Variants in MSRA observed in about 807,000 individuals in gnomAD.
MSRA encodes mitochondrial peptide methionine sulfoxide reductase.
A neutral mutation model predicts 31.3 loss-of-function variants in MSRA; 54 were observed. The observed-to-expected ratio is 1.73, with a 90% confidence interval of 1.39 to 2.17. The LOEUF (loss-of-function observed/expected upper bound fraction) is 2.17. MSRA is among the 30% of genes most tolerant of loss of function. MSRA has a pLI of 0.00. For synonymous variants in MSRA, 169 were observed against 116.5 expected (o/e 1.45, Z -2.90); for missense variants, 507 against 300.9 (o/e 1.69, Z -5.07).
intron 5 of MSRA, among the ~76,000 whole-genome samples, chr8:10,340,841 G>T (rs1302861497): frequency 6.6e-6 from 1 of 152,246 alleles, no homozygotes; most frequent in Non-Finnish European, 1.5e-5. Context: ...TCTCACATCA[G>T]CTTCTCTGTT....
intron 3 of MSRA, among the ~76,000 whole-genome samples, chr8:10,261,972 C>A (rs4504640): frequency 0.83 from 126,497 of 152,184 alleles, 53,121 homozygotes; most frequent in Non-Finnish European, 0.89. Flanking sequence ...GTGGAAGCAT[C>A]CAGTAAATAG....
At position 10,391,809 on chromosome 8, in the gene MSRA, G is replaced by T. The variant is rs553463915; in HGVS notation, c.544-36339G>T. 2.6e-5 allele frequency among the ~76,000 whole-genome samples: 4 copies of T among 152,348 alleles called. No individual in the cohort carries two copies. In the South Asian group the frequency reaches 8.3e-4, roughly 32 times the overall value. On this transcript the variant is annotated intron_variant, in intron 5 of 5. Coordinates refer to ENST00000317173, the MANE Select transcript of MSRA (RefSeq NM_012331.5). The stretch of plus-strand genomic sequence containing the variant: ...TCATTTGTCCCACGTGAAGGGCAGA[G>T]ACAGAATTATGAGTGAGCAGACGGT...
At chr8:10,193,163 C>G (rs1807664968) in intron 1 of MSRA, among the ~76,000 whole-genome samples, 1 of 152,164 alleles carries the variant, frequency 6.6e-6, no homozygotes. Context: ...TGAGGTATGC[C>G]AAGTCACACT....
chr8:10,233,669 C>T (rs1041642858), intron 2 of MSRA, among the ~76,000 whole-genome samples: 7 of 152,180 alleles, frequency 4.6e-5, no homozygotes, highest in Non-Finnish European at 1.0e-4. Context: ...ATCAATTAAT[C>T]AGCAGTTAAA....
intron 5 of MSRA, among the ~76,000 whole-genome samples, chr8:10,395,738 C>G (rs1408498178): frequency 2.0e-5 from 3 of 152,154 alleles, no homozygotes; most frequent in East Asian, 1.9e-4. Flanking sequence ...CCTTTCAGCA[C>G]CAGACACTGG....
chr8:10,100,791 G>A lies in MSRA; in HGVS notation c.142+46133G>A, dbSNP rs188951720. 2.0e-5 allele frequency among the ~76,000 whole-genome samples: 3 copies of A among 152,198 alleles called. No individual in the cohort carries two copies. The East Asian group carries it at 5.8e-4, about 29-fold the overall frequency. On this transcript the variant is annotated intron_variant, in intron 1 of 5. Transcript: ENST00000317173. ...ATGTTACCTGTGTGTGTTCTGTATT[G>A]CACGTTATCAGAGGAGATGAACATT...
chr8:10,183,876 G>C (rs112078536), intron 1 of MSRA, among the ~76,000 whole-genome samples: 12 of 144,494 alleles, frequency 8.3e-5, no homozygotes, highest in Non-Finnish European at 1.1e-4. Context: ...TGTTGGTTTT[G>C]TTGGTATAGG....
rs62488736 is a variant in MSRA, at chr8:10,148,478, C to T, written c.143-59355C>T. Among the ~76,000 whole-genome samples, 671 of 152,018 alleles carry T rather than the reference C, an allele frequency of 4.4e-3. 4 individuals are homozygous for T. The highest frequency in any genetic ancestry group is 6.8e-3 in the Non-Finnish European group (462 of 67,974). ...CCTGGCCAACATGATGAAACCCCAT[C>T]TCTACTAAAAATACAAAAATTAGCC... On this transcript the variant is annotated intron_variant, in intron 1 of 5. Transcript: ENST00000317173.
chr8:10,127,587 T>C (rs1384198661), intron 1 of MSRA, among the ~76,000 whole-genome samples: 1 of 152,202 alleles, frequency 6.6e-6, no homozygotes, highest in African/African-American at 2.4e-5. Context: ...GGATGATACA[T>C]TAATGTTTTC....
chr8:10,245,014 T>C (rs941017718), intron 2 of MSRA, 90 bp from the exon 3 acceptor site: 53 of 1,252,938 alleles, frequency 4.2e-5, no homozygotes, highest in Admixed American at 8.5e-5. Flanking sequence ...ACTTTTTTTT[T>C]TTCTTCATGT....
intron 2 of MSRA, among the ~76,000 whole-genome samples, chr8:10,219,321 C>T (rs774901736): frequency 3.3e-5 from 5 of 152,108 alleles, no homozygotes; most frequent in Admixed American, 2.0e-4. Context: ...CCAGTTCTCA[C>T]AGAAGGTGTA....
chr8:10,410,003 T>C (rs28608832), intron 5 of MSRA, among the ~76,000 whole-genome samples: 3,906 of 152,254 alleles, frequency 0.026, 179 homozygotes, highest in African/African-American at 0.088. Flanking sequence ...GAGGCAGCAG[T>C]GAGCTATCGT....
In MSRA at chr8:10,242,777, G is replaced by A. The variant is rs139851426; in HGVS notation, c.212-2327G>A. On this transcript the variant is annotated intron_variant, in intron 2 of 5. Coordinates refer to ENST00000317173, the MANE Select transcript of MSRA (RefSeq NM_012331.5). ...TCAAAGCCACATAATAGAATGTTTA[G>A]CTTAAACCTGCAGCCGCTAGTTGAA... 3.0e-4 allele frequency among the ~76,000 whole-genome samples: 46 copies of A among 152,152 alleles called. No homozygotes were observed. The East Asian group carries it at 8.9e-3, about 29-fold the overall frequency.
chr8:10,108,412 A>G (rs1800041804), intron 1 of MSRA, among the ~76,000 whole-genome samples: 1 of 152,212 alleles, frequency 6.6e-6, no homozygotes, highest in Admixed American at 6.5e-5. Flanking sequence ...TTGCACCTAG[A>G]AGGAGGAGCC....
At chr8:10,391,547 A>G (rs1213946802) in intron 5 of MSRA, among the ~76,000 whole-genome samples, 1 of 152,252 alleles carries the variant, frequency 6.6e-6, no homozygotes, top group African/African-American at 2.4e-5. Context: ...GCATTTTACT[A>G]CTGATGAACC....
chr8:10,120,840 G>C (rs1179991477), intron 1 of MSRA, among the ~76,000 whole-genome samples: 1 of 152,120 alleles, frequency 6.6e-6, no homozygotes, highest in Admixed American at 6.5e-5. Context: ...CGGCTTATTT[G>C]GCTGTGTCTC....
chr8:10,245,218 G>A lies in MSRA; in HGVS notation c.326G>A (p.Cys109Tyr), dbSNP rs1334865061. ...YTSNPTYKEVCSEKTGHAEVV... is the reference protein window; with the variant it reads ...YTSNPTYKEVYSEKTGHAEVV... ...TCAAATCCTACTTATAAAGAAGTCT[G>A]CTCAGGTAGGAAGAATTTGCTTTAT... Residue 109 changes from cysteine (C) to tyrosine (Y), a missense_variant, in exon 3 of 6, where the codon TGC becomes TAC. Cys to Tyr is a radical substitution (Grantham distance 194). Transcript: ENST00000317173. The A allele has an allele frequency of 2.5e-6, 4 of 1,612,818 alleles. No individual in the cohort carries two copies. Among genetic ancestry groups the A allele is most frequent in the Non-Finnish European group, 3.4e-6 (4 of 1,179,460 alleles).
At chr8:10,174,728 C>T (rs1432011781) in intron 1 of MSRA, among the ~76,000 whole-genome samples, 1 of 152,212 alleles carries the variant, frequency 6.6e-6, no homozygotes, top group African/African-American at 2.4e-5. Context: ...ACTGCTATCT[C>T]TGTCACCTCC....
At chr8:10,277,462 A>C (rs1436200398) in intron 3 of MSRA, among the ~76,000 whole-genome samples, 1 of 152,144 alleles carries the variant, frequency 6.6e-6, no homozygotes, top group Non-Finnish European at 1.5e-5. Context: ...AAACTTTCTA[A>C]AATCCCTTCT....
Sources: allele counts gnomAD v4.1 joint callset (sites outside exome capture counted in the v4.1 genomes callset), GRCh38; gene constraint gnomAD v4.1.1; transcripts MANE v1.5; gene names NCBI Gene and HGNC (gene_info 2026-07-23, HGNC 2026-07-21).